The following ST6GALNAC3 variants were observed in gnomAD, a reference collection of about 807,000 sequenced individuals.
The protein encoded by ST6GALNAC3 is alpha-N-acetylgalactosaminide alpha-2,6-sialyltransferase 3.
ST6GALNAC3 carries 25 observed loss-of-function variants against 32.7 expected under a neutral mutation model. The ratio of observed to expected loss-of-function variants is 0.76; its 90% confidence interval spans 0.56 to 1.07. ST6GALNAC3 has a LOEUF of 1.07. ST6GALNAC3 is among the 50% of genes least tolerant of loss of function. The pLI, the probability that ST6GALNAC3 is intolerant of heterozygous loss-of-function variation, is 0.00. For synonymous variants in ST6GALNAC3, 129 were observed against 133.1 expected (o/e 0.97, Z 0.21); for missense variants, 355 against 382.4 (o/e 0.93, Z 0.60).
intron 1 of ST6GALNAC3, among the ~76,000 whole-genome samples, chr1:76,298,796 A>G (rs985973468): frequency 2.6e-5 from 4 of 152,102 alleles, no homozygotes; most frequent in Admixed American, 2.6e-4. Flanking sequence ...AGGACCTGCT[A>G]TCAGCACCAC....
chr1:76,230,387 A>C (rs1302230952), intron 1 of ST6GALNAC3, among the ~76,000 whole-genome samples: 1 of 152,198 alleles, frequency 6.6e-6, no homozygotes, highest in East Asian at 1.9e-4. Context: ...AGGATGAAAG[A>C]AAAGAAGGAT....
At chr1:76,262,754 G>T (rs1185264608) in intron 1 of ST6GALNAC3, among the ~76,000 whole-genome samples, 1 of 152,268 alleles carries the variant, frequency 6.6e-6, no homozygotes, top group South Asian at 2.1e-4. Flanking sequence ...TGTGGGGAGT[G>T]GGGAGCATGG....
intron 1 of ST6GALNAC3, among the ~76,000 whole-genome samples, chr1:76,200,816 G>T (rs1654474898): frequency 6.6e-6 from 1 of 152,106 alleles, no homozygotes; most frequent in Non-Finnish European, 1.5e-5. Context: ...TTTGCAGTTT[G>T]ATTTGTGGAG....
intron 1 of ST6GALNAC3, among the ~76,000 whole-genome samples, chr1:76,192,581 G>A (rs888962628): frequency 2.0e-5 from 3 of 152,148 alleles, no homozygotes; most frequent in Non-Finnish European, 2.9e-5. Flanking sequence ...TTATCATTCC[G>A]TTGGGGCCTT....
chr1:76,387,433 C>T (rs1219984539), intron 2 of ST6GALNAC3, among the ~76,000 whole-genome samples: 1 of 152,008 alleles, frequency 6.6e-6, no homozygotes, highest in Non-Finnish European at 1.5e-5. Flanking sequence ...TTATCTTTTG[C>T]TATATGGATA....
intron 2 of ST6GALNAC3, among the ~76,000 whole-genome samples, chr1:76,372,955 TTTTA>T (rs1308859392): frequency 6.6e-6 from 1 of 152,082 alleles, no homozygotes; most frequent in African/African-American, 2.4e-5. Context: ...TTTTTTTTAA[TTTTA>T]TTTATTTATT....
Position 76,630,583 on chromosome 1 carries a change from G to C in ST6GALNAC3, c.*1777G>C, listed in dbSNP as rs1649245593. On this transcript the variant is annotated 3_prime_UTR_variant, in exon 5 of 5. Coordinates refer to ENST00000328299, the MANE Select transcript of ST6GALNAC3 (RefSeq NM_152996.4). ...GAATGTTTTGGAAACTGGAAGTAAT[G>C]ATACATTTCACTTCAGAAGCACTTG... The C allele has an allele frequency of 2.0e-6, 2 of 985,506 alleles. No homozygotes were observed. The highest frequency in any genetic ancestry group is 3.5e-5 in the African/African-American group (2 of 57,324). The allele number at this position is 985,506 out of a possible 1,614,324, so 61.0% of individuals were successfully genotyped here.
At chr1:76,244,104 G>A (rs1057480654) in intron 1 of ST6GALNAC3, among the ~76,000 whole-genome samples, 8 of 151,826 alleles carry the variant, frequency 5.3e-5, no homozygotes, top group African/African-American at 1.9e-4. Context: ...TCATTTGTTT[G>A]TGTCCTTTCT....
intron 1 of ST6GALNAC3, among the ~76,000 whole-genome samples, chr1:76,177,311 T>C (rs574221152): frequency 5.6e-4 from 85 of 152,292 alleles, no homozygotes; most frequent in Middle Eastern, 3.4e-3. Flanking sequence ...GAAGACAGAA[T>C]GTGTTTTGGA....
At chr1:76,173,688 C>T (rs1652667500) in intron 1 of ST6GALNAC3, among the ~76,000 whole-genome samples, 2 of 152,224 alleles carry the variant, frequency 1.3e-5, no homozygotes, top group Admixed American at 1.3e-4. Flanking sequence ...TATGAACAGA[C>T]ACTTTTCAAA....
At chr1:76,395,031 A>G (rs1652842397) in intron 2 of ST6GALNAC3, among the ~76,000 whole-genome samples, 1 of 152,218 alleles carries the variant, frequency 6.6e-6, no homozygotes, top group South Asian at 2.1e-4. Context: ...GGTTTGACTT[A>G]AAGTCCTCTT....
At chr1:76,135,463 G>A (rs1469973342) in intron 1 of ST6GALNAC3, among the ~76,000 whole-genome samples, 2 of 152,172 alleles carry the variant, frequency 1.3e-5, no homozygotes, top group African/African-American at 4.8e-5. Flanking sequence ...CAGCACTCTA[G>A]TGAGGTGGAC....
chr1:76,435,390 C>G (rs1656069235), intron 3 of ST6GALNAC3, among the ~76,000 whole-genome samples: 1 of 152,216 alleles, frequency 6.6e-6, no homozygotes, highest in South Asian at 2.1e-4. Context: ...TATGTAGAAG[C>G]TGCAAATGGT....
chr1:76,110,934 T>A (rs1384928030), intron 1 of ST6GALNAC3, among the ~76,000 whole-genome samples: 4 of 152,260 alleles, frequency 2.6e-5, no homozygotes, highest in Non-Finnish European at 4.4e-5. Context: ...AAAAGGAATT[T>A]GTGCTTTGTT....
Position 76,630,341 on chromosome 1 carries a change from G to C in ST6GALNAC3, c.*1535G>C. The stretch of plus-strand genomic sequence containing the variant: ...CTATATACGTATATATACACGTGTG[G>C]TTCTATTTAGGTGGGGAAAAAATGA... On this transcript the variant is annotated 3_prime_UTR_variant, in exon 5 of 5. Transcript: ENST00000328299. 1.0e-6 allele frequency: 1 copy of C among 985,142 alleles called. No individual in the cohort carries two copies. The highest frequency in any genetic ancestry group is 1.2e-6 in the Non-Finnish European group (1 of 829,792). The allele number at this position is 985,142 out of a possible 1,614,324, so 61.0% of individuals were successfully genotyped here. A position where few individuals can be genotyped will look rare whatever the true frequency, so the allele number is the denominator to read the frequency against.
intron 1 of ST6GALNAC3, among the ~76,000 whole-genome samples, chr1:76,265,140 TGAA>T (rs1658455752): frequency 6.6e-6 from 1 of 152,134 alleles, no homozygotes. Context: ...GTACATATCT[TGAA>T]GAGAAAAAAA....
intron 1 of ST6GALNAC3, among the ~76,000 whole-genome samples, chr1:76,152,172 T>G (rs1463779415): frequency 6.6e-6 from 1 of 152,134 alleles, no homozygotes; most frequent in Non-Finnish European, 1.5e-5. Context: ...CCTAGGAAGA[T>G]CATATTTTTG....
chr1:76,354,326 G>C (rs1412177196), intron 2 of ST6GALNAC3: 1 of 152,176 alleles, frequency 6.6e-6, no homozygotes, highest in Non-Finnish European at 1.5e-5. Flanking sequence ...GGTTATCTTA[G>C]TATTTGGTAT....
intron 1 of ST6GALNAC3, among the ~76,000 whole-genome samples, chr1:76,284,799 G>A (rs1250975057): frequency 1.3e-5 from 2 of 152,060 alleles, no homozygotes; most frequent in East Asian, 3.9e-4. Context: ...AAGCAAAGGT[G>A]ATCAAATCCA....
Sources: allele counts gnomAD v4.1 joint callset (sites outside exome capture counted in the v4.1 genomes callset), GRCh38; gene constraint gnomAD v4.1.1; transcripts MANE v1.5; gene names NCBI Gene and HGNC (gene_info 2026-07-23, HGNC 2026-07-21).